IAH1: variants seen among roughly 807,000 people sequenced by gnomAD.
The protein encoded by IAH1 is isoamyl acetate hydrolyzing esterase 1 (putative).
IAH1 carries 24 observed loss-of-function variants against 26.7 expected under a neutral mutation model. The observed-to-expected ratio is 0.90, with a 90% CI of 0.65 to 1.26. The LOEUF (loss-of-function observed/expected upper bound fraction) is 1.26, where lower values mean the gene tolerates loss of function less well. Among genes scored for constraint, IAH1 ranks in the 50% most tolerant of loss-of-function variants. IAH1 has a pLI of 0.00. For synonymous variants in IAH1, 140 were observed against 118.5 expected (o/e 1.18, Z -1.18); for missense variants, 300 against 299.9 (o/e 1.00, Z 0.00).
At position 9,488,391 on chromosome 2, in the gene IAH1, A is replaced by T. The variant is rs1661756573; in HGVS notation, c.*62A>T. ...AGAACTCAAAGTTGTCAATACGTAGAGGTACGCTTTTTTCCTCAGGCTTAA... is the reference window on the plus strand; with the variant it reads ...AGAACTCAAAGTTGTCAATACGTAGTGGTACGCTTTTTTCCTCAGGCTTAA... On this transcript the variant is annotated 3_prime_UTR_variant, in exon 6 of 6. Transcript: ENST00000497473. The T allele has an allele frequency of 7.5e-7, 1 of 1,338,266 alleles. No homozygotes were observed. Among genetic ancestry groups the T allele is most frequent in the East Asian group, 2.4e-5 (1 of 41,950 alleles). The allele number at this position is 1,338,266 out of a possible 1,614,324, so 82.9% of individuals were successfully genotyped here. A position where few individuals can be genotyped will look rare whatever the true frequency, so the allele number is the denominator to read the frequency against.
intron 3 of IAH1, 113 bp from the exon 4 acceptor site, chr2:9,481,173 A>C: frequency 8.7e-7 from 1 of 1,147,920 alleles, no homozygotes; most frequent in Non-Finnish European, 1.3e-6. Flanking sequence ...CTTGGTGTTA[A>C]ACAATCCCCC....
In IAH1 at chr2:9,478,309, C is replaced by G. The variant is rs1660947959; in HGVS notation, c.222C>G (p.Asn74Lys). Residue 74 changes from asparagine to lysine, a missense_variant, in exon 3 of 6, where the codon AAC (asparagine) becomes AAG (lysine). Coordinates refer to ENST00000497473, the MANE Select transcript of IAH1 (RefSeq NM_001039613.3). ...TTCCAAGATTAATCAGGAAAGGAAA[C>G]AGTTTGGACATCCCAGTAGCAGTTA... ...IILPRLIRKGNSLDIPVAVTI... is the reference protein window; with the variant it reads ...IILPRLIRKGKSLDIPVAVTI... The G allele has an allele frequency of 1.2e-6, 2 of 1,613,188 alleles. No individual in the cohort carries two copies. The highest frequency in any genetic ancestry group is 1.3e-5 in the African/African-American group (1 of 74,918).
At chr2:9,476,657 A>G (rs1057325340) in intron 2 of IAH1, among the ~76,000 whole-genome samples, 11 of 152,114 alleles carry the variant, frequency 7.2e-5, no homozygotes, top group Admixed American at 2.6e-4. Context: ...GTGGTTATCT[A>G]TTGTTAGCAG....
rs1047791726 is a variant in IAH1, at chr2:9,475,035, C to T, written c.81+388C>T. 27 of 1,138,332 alleles carry T rather than the reference C, an allele frequency of 2.4e-5. 1 individual carries two copies. The Admixed American group carries it at 2.7e-4, about 11-fold the overall frequency. 70.5% of individuals were successfully genotyped at this position (1,138,332 alleles called of 1,614,324 possible). On this transcript the variant is annotated intron_variant, in intron 1 of 5. Coordinates refer to ENST00000497473, the MANE Select transcript of IAH1 (RefSeq NM_001039613.3). Reference sequence around the variant, plus strand: ...CGACCGCGCGCTGTGTCCCAGGAGGCCCCGCGGCCAGCTCCGGGCAGAGGC... The same window carrying T: ...CGACCGCGCGCTGTGTCCCAGGAGGTCCCGCGGCCAGCTCCGGGCAGAGGC...
chr2:9,493,834 A>T, downstream of IAH1: 3 of 1,610,806 alleles, frequency 1.9e-6, no homozygotes, highest in Non-Finnish European at 2.5e-6. Context: ...CCCTATGAAG[A>T]AAAAACATAC....
the IAH1 span, among the ~76,000 whole-genome samples, chr2:9,504,763 GAAA>G: frequency 4.2e-5 from 5 of 117,790 alleles, no homozygotes; most frequent in Non-Finnish European, 6.9e-5. Flanking sequence ...TCTGTCTCAG[GAAA>G]AAAAAAAAAA....
At chr2:9,488,026 AGAGACAG>A (rs1661714650) in intron 5 of IAH1, 114 bp from the exon 6 acceptor site, 2 of 647,838 alleles carry the variant, frequency 3.1e-6, no homozygotes, top group Non-Finnish European at 5.0e-6. Context: ...AATTTTTTGT[AGAGACAG>A]GGTCTCAAAC....
intron 3 of IAH1, among the ~76,000 whole-genome samples, chr2:9,478,668 G>A (rs910163861): frequency 6.6e-6 from 1 of 152,198 alleles, no homozygotes; most frequent in African/African-American, 2.4e-5. Context: ...GCATTTGGCA[G>A]CAGAAAGCTT....
chr2:9,494,549 G>C, downstream of IAH1: 1 of 1,490,534 alleles, frequency 6.7e-7, no homozygotes, highest in East Asian at 2.3e-5. Flanking sequence ...CTTGTGTTTT[G>C]ATTTGTTTTC....
At chr2:9,507,023 A>G in the IAH1 span, 2 of 152,260 alleles carry the variant, frequency 1.3e-5, no homozygotes, top group African/African-American at 4.8e-5. Context: ...AAGGTCCTAC[A>G]TTCCTTTTCA....
At chr2:9,494,911 C>A in intron 6 of IAH1, 1 of 975,724 alleles carries the variant, frequency 1.0e-6, no homozygotes, top group Non-Finnish European at 1.5e-6. Flanking sequence ...TATCCATAGC[C>A]CCCACCAAGG....
downstream of IAH1, chr2:9,493,131 A>C (rs1662297330): frequency 3.2e-6 from 2 of 632,112 alleles, no homozygotes; most frequent in South Asian, 4.4e-5. Flanking sequence ...TGCTGCCTGT[A>C]TTACACCACA....
rs1276351759 is a variant in IAH1, at chr2:9,475,101, G to A, written c.81+454G>A. 2.4e-6 allele frequency: 3 copies of A among 1,256,652 alleles called. No individual in the cohort carries two copies. In the East Asian group the frequency reaches 1.7e-4, roughly 73 times the overall value. 77.8% of individuals were successfully genotyped at this position (1,256,652 alleles called of 1,614,324 possible). On this transcript the variant is annotated intron_variant, in intron 1 of 5. Transcript: ENST00000497473. ...GCCCCATTCCCTGCGGGCACAGGTGGGGCCGTTAGGGGTTGACCTTGGAAG... is the reference window on the plus strand; with the variant it reads ...GCCCCATTCCCTGCGGGCACAGGTGAGGCCGTTAGGGGTTGACCTTGGAAG...
chr2:9,487,768 A>T (rs2124932037), intron 5 of IAH1, among the ~76,000 whole-genome samples: 1 of 148,718 alleles, frequency 6.7e-6, no homozygotes, highest in South Asian at 2.1e-4. Flanking sequence ...GAAAAGTTAT[A>T]CCCTCCCTCC....
chr2:9,504,736 T>C, the IAH1 span, among the ~76,000 whole-genome samples: 26 of 143,244 alleles, frequency 1.8e-4, no homozygotes, highest in Admixed American at 1.5e-3. Context: ...CACTCCAGCC[T>C]GGCGACAGAG....
the IAH1 span, among the ~76,000 whole-genome samples, chr2:9,511,868 G>T: frequency 6.6e-6 from 1 of 152,048 alleles, no homozygotes; most frequent in African/African-American, 2.4e-5. Context: ...CTATTTGGGA[G>T]GCTGAGCCAG....
chr2:9,510,669 A>G, the IAH1 span, among the ~76,000 whole-genome samples: 2 of 151,006 alleles, frequency 1.3e-5, no homozygotes, highest in Admixed American at 1.3e-4. Context: ...GTCTCAAAAA[A>G]AAAAAAAAAA....
chr2:9,496,179 A>C (rs1250052913), intron 6 of IAH1: 1 of 151,988 alleles, frequency 6.6e-6, no homozygotes, highest in Non-Finnish European at 1.5e-5. Flanking sequence ...CCCAGGCTAG[A>C]GTGTAGCGGC....
downstream of IAH1, among the ~76,000 whole-genome samples, chr2:9,497,843 A>G (rs1282507333): frequency 6.6e-6 from 1 of 151,912 alleles, no homozygotes; most frequent in Non-Finnish European, 1.5e-5. Context: ...ATTATGCACT[A>G]TCACACTCCT....
Sources: gnomAD v4.1 joint callset for allele counts (sites outside exome capture counted in the v4.1 genomes callset) on GRCh38, gnomAD v4.1.1 for gene constraint, MANE v1.5 for transcripts, NCBI Gene and HGNC (gene_info 2026-07-23, HGNC 2026-07-21) for gene names.